The following KREMEN1 variants were observed in gnomAD, a reference collection of about 807,000 sequenced individuals.
KREMEN1 encodes kringle containing transmembrane protein 1.
A neutral mutation model predicts 46.5 loss-of-function variants in KREMEN1; 30 were observed. The ratio of observed to expected loss-of-function variants is 0.65; its 90% confidence interval spans 0.48 to 0.88. KREMEN1 has a LOEUF of 0.88. KREMEN1 is among the 40% of genes least tolerant of loss of function. The pLI is 0.00. For missense variants in KREMEN1, 533 were observed against 596.9 expected (o/e 0.89, Z 1.11); for synonymous variants, 214 against 230.6 (o/e 0.93, Z 0.65).
chr22:29,094,198 A>AG, intron 1 of KREMEN1, 60 bp from the exon 2 acceptor site: 1 of 1,425,024 alleles, frequency 7.0e-7, no homozygotes, highest in Non-Finnish European at 9.7e-7. Flanking sequence ...TCAACCAAAG[A>AG]GGGAGGAAAC....
At chr22:29,092,398 T>G (rs1365083146) in intron 1 of KREMEN1, among the ~76,000 whole-genome samples, 2 of 152,162 alleles carry the variant, frequency 1.3e-5, no homozygotes, top group Admixed American at 1.3e-4. Flanking sequence ...GTGAAGCACT[T>G]AGACAGAGTT....
chr22:29,137,475 C>T lies in KREMEN1; in HGVS notation c.765C>T (p.His255=). The T allele has an allele frequency of 6.2e-7, 1 of 1,607,798 alleles. No individual in the cohort carries two copies. The change falls in exon 6 of 9, where the codon CAC becomes CAT. Residue 255 remains histidine, a synonymous_variant. Coordinates refer to ENST00000400335, the MANE Select transcript of KREMEN1 (RefSeq NM_001039570.3). The part of the protein sequence containing the change: ...TIRVPGASHI[H]FSFPLFDIRD... The stretch of plus-strand genomic sequence containing the variant: ...GGGTTCCGGGGGCCTCCCACATCCA[C>T]TTCAGCTTCCCCCTATTTGACATCA...
intron 4 of KREMEN1, among the ~76,000 whole-genome samples, chr22:29,123,648 TG>T (rs2038393895): frequency 6.6e-6 from 1 of 152,106 alleles, no homozygotes; most frequent in South Asian, 2.1e-4. Context: ...AAAAATTAGC[TG>T]GGCGTGGTAG....
chr22:29,101,414 AT>A (rs1467888040), intron 3 of KREMEN1, among the ~76,000 whole-genome samples: 1 of 152,222 alleles, frequency 6.6e-6, no homozygotes, highest in Non-Finnish European at 1.5e-5. Flanking sequence ...GCTAAGGTTA[AT>A]TTATTATTCA....
chr22:29,136,351 A>C (rs2145842114), intron 5 of KREMEN1, among the ~76,000 whole-genome samples: 2 of 151,894 alleles, frequency 1.3e-5, no homozygotes, highest in South Asian at 4.2e-4. Context: ...GGACGGGTGG[A>C]TCACGAGGTC....
chr22:29,129,567 G>A (rs574286810), intron 5 of KREMEN1, among the ~76,000 whole-genome samples: 5 of 152,254 alleles, frequency 3.3e-5, no homozygotes, highest in African/African-American at 1.2e-4. Flanking sequence ...AGAACATGAG[G>A]CCCTGCTACC....
chr22:29,137,316 G>C (rs778962465), intron 5 of KREMEN1, 26 bp from the exon 6 acceptor site: 97 of 1,437,930 alleles, frequency 6.7e-5, no homozygotes, highest in Non-Finnish European at 8.7e-5. Context: ...CAGACTGAGG[G>C]CGTGGTGTCT....
In KREMEN1 at chr22:29,098,907, C is replaced by T. The variant is rs753638441; in HGVS notation, c.306C>T (p.His102=). Residue 102 remains histidine (H), a synonymous_variant, in exon 3 of 9, where the codon CAC becomes CAT. Transcript: ENST00000400335. ...GCCCCTGGTGCTATGTGGCAGAGCA[C>T]GAGGATGGTGTCTACTGGAAGTACT... ...DVSPWCYVAE[H]EDGVYWKYCE... 9.3e-6 allele frequency: 15 copies of T among 1,613,938 alleles called. No individual in the cohort carries two copies. Among genetic ancestry groups the T allele is most frequent in the South Asian group, 4.4e-5 (4 of 91,080 alleles).
chr22:29,098,971 A>G lies in KREMEN1; in HGVS notation c.352+18A>G, dbSNP rs763262917. 1 of 1,556,618 alleles carries G rather than the reference A, an allele frequency of 6.4e-7. No homozygotes were observed. The highest frequency in any genetic ancestry group is 8.9e-7 in the Non-Finnish European group (1 of 1,127,644). On this transcript the variant is annotated intron_variant, in intron 3 of 8. Coordinates refer to ENST00000400335, the MANE Select transcript of KREMEN1 (RefSeq NM_001039570.3). ...TTGCCAGAGTAAGACTGTAATACCC[A>G]ATGTGATGGTTTACAGGACTGTGAA...
At chr22:29,098,202 C>T (rs1371079765) in intron 2 of KREMEN1, among the ~76,000 whole-genome samples, 1 of 151,538 alleles carries the variant, frequency 6.6e-6, no homozygotes, top group Admixed American at 6.6e-5. Context: ...AAAAAAGCCT[C>T]ATAAGACATT....
intron 9 of KREMEN1, among the ~76,000 whole-genome samples, chr22:29,165,086 T>C (rs1007400132): frequency 2.0e-5 from 3 of 151,332 alleles, no homozygotes; most frequent in African/African-American, 7.3e-5. Context: ...GGCAGAGGAG[T>C]CGCTTGAACC....
At chr22:29,097,143 G>T (rs1030340652) in intron 2 of KREMEN1, among the ~76,000 whole-genome samples, 11 of 152,226 alleles carry the variant, frequency 7.2e-5, no homozygotes, top group African/African-American at 2.7e-4. Flanking sequence ...CCTGATAGGG[G>T]TTGCTCCCAG....
At chr22:29,139,475 C>T (rs552641943) in intron 7 of KREMEN1, among the ~76,000 whole-genome samples, 6 of 152,148 alleles carry the variant, frequency 3.9e-5, no homozygotes, top group South Asian at 2.1e-4. Flanking sequence ...TGGTGGTGCA[C>T]GCTTGTGGTC....
intron 2 of KREMEN1, among the ~76,000 whole-genome samples, chr22:29,095,026 T>C (rs1310862287): frequency 2.0e-5 from 3 of 152,140 alleles, no homozygotes; most frequent in Non-Finnish European, 4.4e-5. Context: ...TTTTCTTAGT[T>C]AGCCCTACCA....
intron 1 of KREMEN1, among the ~76,000 whole-genome samples, chr22:29,078,889 G>A (rs1018791024): frequency 1.3e-5 from 2 of 152,230 alleles, no homozygotes; most frequent in African/African-American, 4.8e-5. Flanking sequence ...CCGGCTCACT[G>A]GGCAGCCTTG....
Position 29,078,494 on chromosome 22 carries a change from A to AG in KREMEN1, c.97+5267_97+5268insG, listed in dbSNP as rs1556000677. ...GAAAAACAGCCAGGAAAAAAAAAAAAAAGAAGAAGAAGAAGAAAACAAACT... is the reference window on the plus strand; with the variant it reads ...GAAAAACAGCCAGGAAAAAAAAAAAAGAAGAAGAAGAAGAAGAAAACAAACT... On this transcript the variant is annotated intron_variant, in intron 1 of 8. Coordinates refer to ENST00000400335, the MANE Select transcript of KREMEN1 (RefSeq NM_001039570.3). 1.8e-3 allele frequency among the ~76,000 whole-genome samples: 262 copies of AG among 147,586 alleles called. 1 individual carries two copies. Among genetic ancestry groups the AG allele is most frequent in the African/African-American group, 5.8e-3 (232 of 40,192 alleles).
At chr22:29,134,056 A>G (rs1180097182) in intron 5 of KREMEN1, 1 of 152,190 alleles carries the variant, frequency 6.6e-6, no homozygotes, top group South Asian at 2.1e-4. Flanking sequence ...GGAACAAAAC[A>G]GAGTATATTA....
At chr22:29,101,252 CAAAA>C (rs368843166) in intron 3 of KREMEN1, among the ~76,000 whole-genome samples, 4 of 74,804 alleles carry the variant, frequency 5.3e-5, no homozygotes, top group Admixed American at 1.7e-4. Flanking sequence ...AGTCTGTCTC[CAAAA>C]AAAAAAAAAA....
At chr22:29,087,659 G>A (rs1244275296) in intron 1 of KREMEN1, among the ~76,000 whole-genome samples, 4 of 151,774 alleles carry the variant, frequency 2.6e-5, no homozygotes, top group Non-Finnish European at 5.9e-5. Context: ...TCCGCCTCCC[G>A]GGTTTAAGTG....
Sources: allele counts gnomAD v4.1 joint callset (sites outside exome capture counted in the v4.1 genomes callset), GRCh38; gene constraint gnomAD v4.1.1; transcripts MANE v1.5; gene names NCBI Gene and HGNC (gene_info 2026-07-23, HGNC 2026-07-21).